TUBGCP3: variants seen among roughly 807,000 people sequenced by gnomAD.
The protein encoded by TUBGCP3 is tubulin gamma complex component 3, also known as gamma-tubulin complex component 3.
A neutral mutation model predicts 123.1 loss-of-function variants in TUBGCP3; 50 were observed. That is an observed-to-expected ratio of 0.41 (90% CI 0.32 to 0.51). The LOEUF (loss-of-function observed/expected upper bound fraction) is 0.51. TUBGCP3 is among the 20% of genes least tolerant of loss of function. The pLI is 0.36. For synonymous variants in TUBGCP3, 405 were observed against 413.9 expected (o/e 0.98, Z 0.26); for missense variants, 882 against 1,127.0 (o/e 0.78, Z 3.11).
At chr13:112,575,196 T>C (rs1329073176) in intron 1 of TUBGCP3, among the ~76,000 whole-genome samples, 1 of 152,176 alleles carries the variant, frequency 6.6e-6, no homozygotes, top group Non-Finnish European at 1.5e-5. Flanking sequence ...CCCTTAAAGC[T>C]GTGTACTATC....
At chr13:112,501,994 T>C (rs573519424) in intron 19 of TUBGCP3, among the ~76,000 whole-genome samples, 20 of 152,204 alleles carry the variant, frequency 1.3e-4, no homozygotes, top group Non-Finnish European at 2.6e-4. Flanking sequence ...GTGTGGAGTG[T>C]TACTTATTTG....
At chr13:112,602,989 T>TA in the TUBGCP3 span, 1 of 152,212 alleles carries the variant, frequency 6.6e-6, no homozygotes, top group Admixed American at 6.5e-5. Flanking sequence ...GGTTTTCTGT[T>TA]AAAAAGCAGC....
chr13:112,503,978 A>C, intron 19 of TUBGCP3, 54 bp downstream of exon 19: 1 of 1,553,480 alleles, frequency 6.4e-7, no homozygotes, highest in Non-Finnish European at 8.7e-7. Flanking sequence ...CAGGAACCCA[A>C]GAAAAGAAGA....
intron 1 of TUBGCP3, among the ~76,000 whole-genome samples, chr13:112,575,260 G>A (rs907838847): frequency 1.3e-5 from 2 of 152,184 alleles, no homozygotes; most frequent in African/African-American, 4.8e-5. Flanking sequence ...ATGAAAGGAA[G>A]AAGAAAGATA....
intron 3 of TUBGCP3, among the ~76,000 whole-genome samples, chr13:112,561,365 G>T (rs753507960): frequency 6.6e-6 from 1 of 152,188 alleles, no homozygotes; most frequent in Non-Finnish European, 1.5e-5. Context: ...TCCTGTCATC[G>T]TCACAACCAC....
chr13:112,544,501 C>T (rs1203642135), intron 11 of TUBGCP3: 1 of 151,100 alleles, frequency 6.6e-6, no homozygotes, highest in East Asian at 1.9e-4. Flanking sequence ...CCCAGCAATC[C>T]CACCTCCCAG....
chr13:112,544,248 T>G (rs1878783001), intron 11 of TUBGCP3, among the ~76,000 whole-genome samples: 1 of 151,914 alleles, frequency 6.6e-6, no homozygotes, highest in South Asian at 2.1e-4. Context: ...GGTCAGGAGA[T>G]CGAGACCATC....
intron 17 of TUBGCP3, among the ~76,000 whole-genome samples, chr13:112,513,262 A>C (rs1267891362): frequency 4.6e-5 from 7 of 152,222 alleles, no homozygotes; most frequent in Non-Finnish European, 1.0e-4. Flanking sequence ...ATTGACTCTA[A>C]CAAACCATTT....
chr13:112,550,348 G>A (rs1213526313), intron 8 of TUBGCP3, among the ~76,000 whole-genome samples: 1 of 152,126 alleles, frequency 6.6e-6, no homozygotes, highest in Non-Finnish European at 1.5e-5. Flanking sequence ...ACCTATAGGT[G>A]TATTTTACTG....
In TUBGCP3 at chr13:112,548,094, A is replaced by T; in HGVS notation, c.1035+14T>A. On this transcript the variant is annotated intron_variant, in intron 9 of 21. Transcript: ENST00000261965. ...CAAATCATAAAGAAATAAAAATAAA[A>T]ATAAAATATTTACCTGAGAATGTAA... The T allele has an allele frequency of 6.4e-7, 1 of 1,552,900 alleles. No homozygotes were observed. Among genetic ancestry groups the T allele is most frequent in the Non-Finnish European group, 8.7e-7 (1 of 1,145,120 alleles).
chr13:112,584,162 C>CT (rs1269941626), intron 1 of TUBGCP3: 1 of 152,180 alleles, frequency 6.6e-6, no homozygotes, highest in East Asian at 1.9e-4. Flanking sequence ...AAGCAATGCT[C>CT]TAAAACAACA....
At chr13:112,603,142 A>G in the TUBGCP3 span, 1 of 152,296 alleles carries the variant, frequency 6.6e-6, no homozygotes, top group African/African-American at 2.4e-5. Context: ...TCAATTGTGG[A>G]TTCTTACTGA....
At chr13:112,498,865 G>A in intron 20 of TUBGCP3, 180 bp downstream of exon 20, 1 of 1,609,342 alleles carries the variant, frequency 6.2e-7, no homozygotes, top group Non-Finnish European at 8.5e-7. Flanking sequence ...ATGCCAGTGA[G>A]GGTGGCCCCT....
intron 14 of TUBGCP3, among the ~76,000 whole-genome samples, chr13:112,520,834 A>T (rs1876557302): frequency 6.6e-6 from 1 of 152,234 alleles, no homozygotes; most frequent in East Asian, 1.9e-4. Context: ...GGGGTGACCA[A>T]GTTAGGAACA....
At chr13:112,499,357 C>A (rs150251984) in intron 19 of TUBGCP3, among the ~76,000 whole-genome samples, 172 bp from the exon 20 acceptor site, 14 of 152,350 alleles carry the variant, frequency 9.2e-5, no homozygotes, top group Non-Finnish European at 2.1e-4. Flanking sequence ...AACCCTCCTG[C>A]TGAGCAGCGC....
intron 17 of TUBGCP3, among the ~76,000 whole-genome samples, chr13:112,507,541 C>T (rs564055334): frequency 9.8e-5 from 15 of 152,318 alleles, no homozygotes; most frequent in African/African-American, 3.6e-4. Context: ...GTTACAGAAG[C>T]ATACAAATTT....
chr13:112,584,970 A>G (rs947569978), intron 1 of TUBGCP3, among the ~76,000 whole-genome samples: 3 of 152,248 alleles, frequency 2.0e-5, no homozygotes, highest in African/African-American at 4.8e-5. Context: ...GTGGTAAATC[A>G]TGGTCATGCT....
rs1402979045 is a variant in TUBGCP3 at position 112,588,029 on chromosome 13, C to T, written c.-49G>A. ...GGTCCGGGCAGAGCCGCCACTGCCGCCGCACGCGCAGGGACCGCGGCCCGC... is the reference window on the plus strand; with the variant it reads ...GGTCCGGGCAGAGCCGCCACTGCCGTCGCACGCGCAGGGACCGCGGCCCGC... On this transcript the variant is annotated 5_prime_UTR_variant, in exon 1 of 22. Coordinates refer to ENST00000261965, the MANE Select transcript of TUBGCP3 (RefSeq NM_006322.6). 2 of 1,388,062 alleles carry T rather than the reference C, an allele frequency of 1.4e-6. No homozygotes were observed. Among genetic ancestry groups the T allele is most frequent in the South Asian group, 3.0e-5 (2 of 66,176 alleles). The allele number at this position is 1,388,062 out of a possible 1,614,324, so 86.0% of individuals were successfully genotyped here. A position where few individuals can be genotyped will look rare whatever the true frequency, so the allele number is the denominator to read the frequency against.
chr13:112,487,083 C>CTGTGTG lies in TUBGCP3; in HGVS notation c.2566-938_2566-933dup, dbSNP rs373263012. Among the ~76,000 whole-genome samples, 15 of 77,268 alleles carry CTGTGTG rather than the reference C, an allele frequency of 1.9e-4. No homozygotes were observed. The South Asian group carries it at 2.8e-3, about 14-fold the overall frequency. 50.7% of individuals were successfully genotyped at this position (77,268 alleles called of 152,430 possible). A position where few individuals can be genotyped will look rare whatever the true frequency, so the allele number is the denominator to read the frequency against. On this transcript the variant is annotated intron_variant, in intron 21 of 21. Coordinates refer to ENST00000261965, the MANE Select transcript of TUBGCP3 (RefSeq NM_006322.6). ...TGTGTGTGTGTGTGTGTGTGTGTGTCTGTGTGTGTGTGTGTGTGTATCACT... is the reference window on the plus strand; with the variant it reads ...TGTGTGTGTGTGTGTGTGTGTGTGTCTGTGTGTGTGTGTGTGTGTGTGTGTATCACT...
Sources: allele counts gnomAD v4.1 joint callset (sites outside exome capture counted in the v4.1 genomes callset), GRCh38; gene constraint gnomAD v4.1.1; transcripts MANE v1.5; gene names NCBI Gene and HGNC (gene_info 2026-07-23, HGNC 2026-07-21).